The following MCM5 variants were observed in gnomAD, a reference collection of about 807,000 sequenced individuals.
MCM5 encodes minichromosome maintenance complex component 5.
A neutral mutation model predicts 79.9 loss-of-function variants in MCM5; 46 were observed. The observed-to-expected ratio is 0.58, with a 90% CI of 0.45 to 0.74. The LOEUF is 0.74. Among genes scored for constraint, MCM5 ranks in the 30% least tolerant of loss-of-function variants. The pLI is 0.00. For missense variants in MCM5, 883 were observed against 1,017.0 expected (o/e 0.87, Z 1.79); for synonymous variants, 404 against 390.5 (o/e 1.03, Z -0.41).
the MCM5 span, among the ~76,000 whole-genome samples, chr22:35,448,543 G>C: frequency 3.3e-5 from 5 of 152,226 alleles, no homozygotes; most frequent in East Asian, 7.7e-4. Flanking sequence ...CAGTGCCCCA[G>C]GCCGGGCATC....
intron 8 of MCM5, 61 bp downstream of exon 8, chr22:35,412,742 T>C: frequency 7.5e-7 from 1 of 1,325,242 alleles, no homozygotes; most frequent in African/African-American, 1.5e-5. Flanking sequence ...CACAGTAGGA[T>C]AATTACTGGA....
chr22:35,406,441 C>T, intron 4 of MCM5, 112 bp from the exon 5 acceptor site: 4 of 970,100 alleles, frequency 4.1e-6, no homozygotes, highest in Non-Finnish European at 6.2e-6. Flanking sequence ...GTGGCCCTCC[C>T]TGCAGCTCTG....
chr22:35,429,834 G>A (rs1932801239), downstream of MCM5, among the ~76,000 whole-genome samples: 1 of 152,050 alleles, frequency 6.6e-6, no homozygotes, highest in South Asian at 2.1e-4. Flanking sequence ...GCCATTTTTT[G>A]TTCTTCCTTA....
At chr22:35,419,832 G>A (rs926267450) in intron 13 of MCM5, 52 bp from the exon 14 acceptor site, 11 of 1,542,496 alleles carry the variant, frequency 7.1e-6, no homozygotes, top group African/African-American at 2.7e-5. Context: ...AAGGGTAGGT[G>A]CCCTAAGAGT....
chr22:35,424,163 G>A lies in MCM5; in HGVS notation c.2113G>A (p.Glu705Lys), dbSNP rs766864836. The change falls in exon 17 of 17, where the codon GAG (glutamate) becomes AAG (lysine). Residue 705 changes from glutamate (E) to lysine (K), a missense_variant. Around this residue, in one of 3 missense-constraint regions of MCM5, gnomAD observed 426 missense variants for 482.3 expected, o/e 0.88. Coordinates refer to ENST00000216122, the MANE Select transcript of MCM5 (RefSeq NM_006739.4). ...CCATGTGCTCCCACAGAAATACCCG[G>A]AGCACGCCATCCACAAGGTGCTGCA... ...IKDFTKQKYP[E>K]HAIHKVLQLM... is the part of the protein sequence containing the mutation. The A allele has an allele frequency of 5.2e-6, 8 of 1,550,730 alleles. No individual in the cohort carries two copies. The African/African-American group carries it at 5.5e-5, about 11-fold the overall frequency.
intron 5 of MCM5, among the ~76,000 whole-genome samples, chr22:35,407,590 G>A (rs1029930684): frequency 2.6e-5 from 4 of 152,022 alleles, no homozygotes; most frequent in Non-Finnish European, 5.9e-5. Context: ...CACTGCCTTT[G>A]ACCTTGCTGT....
the MCM5 span, among the ~76,000 whole-genome samples, chr22:35,443,194 A>C: frequency 6.6e-6 from 1 of 152,056 alleles, no homozygotes; most frequent in Admixed American, 6.5e-5. Context: ...AAGGTGCAAA[A>C]AAATTTTTTT....
chr22:35,440,979 C>A, the MCM5 span, among the ~76,000 whole-genome samples: 2 of 151,924 alleles, frequency 1.3e-5, no homozygotes, highest in African/African-American at 4.8e-5. Flanking sequence ...ATCGCTTGAA[C>A]CCGGGAGGCG....
chr22:35,418,086 C>T (rs1932593940), intron 13 of MCM5, among the ~76,000 whole-genome samples: 1 of 152,184 alleles, frequency 6.6e-6, no homozygotes. Flanking sequence ...TTTAGATGGT[C>T]TTGAAGACCT....
chr22:35,421,979 T>C (rs1932707061), intron 15 of MCM5: 1 of 216,168 alleles, frequency 4.6e-6, no homozygotes, highest in East Asian at 1.1e-4. Flanking sequence ...TAAGCCATAC[T>C]GTCTGGTTTC....
In MCM5 at chr22:35,410,809, A is replaced by C; in HGVS notation, c.818A>C (p.Lys273Thr). ...VTIMGIYSIK[K>T]FGLTTSRGRD... Reference sequence around the variant, plus strand: ...ATCATGGGCATCTACTCCATCAAGAAGTTTGGCCTGACTACCAGCAGGGGC... The same window carrying C: ...ATCATGGGCATCTACTCCATCAAGACGTTTGGCCTGACTACCAGCAGGGGC... The change falls in exon 7 of 17, where the codon AAG becomes ACG. Residue 273 changes from lysine (K) to threonine (T), a missense_variant. Coordinates refer to ENST00000216122, the MANE Select transcript of MCM5 (RefSeq NM_006739.4). 6.2e-7 allele frequency: 1 copy of C among 1,614,036 alleles called. No homozygotes were observed.
intron 13 of MCM5, among the ~76,000 whole-genome samples, chr22:35,419,355 G>C (rs1932632961): frequency 6.6e-6 from 1 of 152,184 alleles, no homozygotes; most frequent in Non-Finnish European, 1.5e-5. Context: ...GGTAGATGCT[G>C]ATCAGACTTC....
At chr22:35,423,401 C>G in intron 16 of MCM5, 60 bp downstream of exon 16, 1 of 1,521,358 alleles carries the variant, frequency 6.6e-7, no homozygotes, top group Admixed American at 1.9e-5. Context: ...TCTGCTGGTT[C>G]CCACCCACTC....
At chr22:35,433,121 A>C in the MCM5 span, among the ~76,000 whole-genome samples, 1 of 152,014 alleles carries the variant, frequency 6.6e-6, no homozygotes, top group Non-Finnish European at 1.5e-5. Context: ...TTTCTTGTAG[A>C]GACAGGGTCT....
Position 35,400,624 on chromosome 22 carries a change from CG to C in MCM5, c.167+24del. 8 of 1,576,104 alleles carry C rather than the reference CG, an allele frequency of 5.1e-6. No homozygotes were observed. Among genetic ancestry groups the C allele is most frequent in the Admixed American group, 1.8e-5 (1 of 56,502 alleles). On this transcript the variant is annotated intron_variant, in intron 2 of 16. Transcript: ENST00000216122. Reference sequence around the variant, plus strand: ...AATACAGGTGCGGCTCCTGCGGGGCCGGGGGCTCGAGTTCCAGTGTGGCCGC... The same window carrying C: ...AATACAGGTGCGGCTCCTGCGGGGCCGGGGCTCGAGTTCCAGTGTGGCCGC...
chr22:35,428,277 C>T (rs923193077), downstream of MCM5, among the ~76,000 whole-genome samples: 29 of 151,916 alleles, frequency 1.9e-4, 1 homozygote, highest in African/African-American at 6.8e-4. Context: ...CCACCTTGGC[C>T]TCCCAAAGTG....
At chr22:35,414,038 C>T (rs1354765242) in intron 9 of MCM5, 52 bp downstream of exon 9, 1 of 1,243,192 alleles carries the variant, frequency 8.0e-7, no homozygotes, top group African/African-American at 1.5e-5. Flanking sequence ...AGGAAGGCTG[C>T]AGGGCAGGGC....
At chr22:35,425,774 G>A (rs1206029413), downstream of MCM5, among the ~76,000 whole-genome samples, 1 of 152,004 alleles carries the variant, frequency 6.6e-6, no homozygotes, top group South Asian at 2.1e-4. Flanking sequence ...TGTTCATGGA[G>A]TGTGGAACTC....
chr22:35,408,519 C>A lies in MCM5; in HGVS notation c.708C>A (p.Val236=). The A allele has an allele frequency of 6.2e-7, 1 of 1,614,160 alleles. No homozygotes were observed. Among genetic ancestry groups the A allele is most frequent in the Non-Finnish European group, 8.5e-7 (1 of 1,180,014 alleles). ...AGCTGCAGGAGCTGCCTGATGCAGTCCCCCACGGGGAGATGCCCAGACACA... is the reference window on the plus strand; with the variant it reads ...AGCTGCAGGAGCTGCCTGATGCAGTACCCCACGGGGAGATGCCCAGACACA... ...TLKLQELPDA[V]PHGEMPRHMQ... The change falls in exon 6 of 17, where the codon GTC becomes GTA. Residue 236 remains valine (V), a synonymous_variant. Coordinates refer to ENST00000216122, the MANE Select transcript of MCM5 (RefSeq NM_006739.4).
Sources: gnomAD v4.1 joint callset for allele counts (sites outside exome capture counted in the v4.1 genomes callset) on GRCh38, gnomAD v4.1.1 for gene constraint, gnomAD v4.1.1 regional missense constraint, MANE v1.5 for transcripts, NCBI Gene and HGNC (gene_info 2026-07-23, HGNC 2026-07-21) for gene names.